MORC1: variants seen among roughly 807,000 people sequenced by gnomAD.
MORC1 encodes MORC family CW-type zinc finger 1.
MORC1 carries 59 observed loss-of-function variants against 134.9 expected under a neutral mutation model. That is an observed-to-expected ratio of 0.44 (90% CI 0.35 to 0.54). The LOEUF (loss-of-function observed/expected upper bound fraction) is 0.54, where lower values mean the gene tolerates loss of function less well. MORC1 is among the 20% of genes least tolerant of loss of function. MORC1 has a pLI of 0.00. For synonymous variants in MORC1, 395 were observed against 391.7 expected, an observed-to-expected ratio of 1.01 and a Z score of -0.10; for missense variants, 947 against 1,134.5, an observed-to-expected ratio of 0.83 and a Z score of 2.37.
intron 25 of MORC1, among the ~76,000 whole-genome samples, chr3:108,970,499 A>G (rs1947347912): frequency 6.6e-6 from 1 of 152,162 alleles, no homozygotes; most frequent in Non-Finnish European, 1.5e-5. Context: ...GGATGAGGTG[A>G]GAGTAGAGGG....
intron 26 of MORC1, among the ~76,000 whole-genome samples, chr3:108,966,433 A>T (rs1209989996): frequency 1.3e-5 from 2 of 152,262 alleles, no homozygotes; most frequent in Middle Eastern, 3.4e-3. Context: ...GCAGTCACTA[A>T]AGCAGAAACA....
At chr3:109,079,636 A>G (rs910567982) in intron 8 of MORC1, among the ~76,000 whole-genome samples, 1 of 152,168 alleles carries the variant, frequency 6.6e-6, no homozygotes, top group East Asian at 1.9e-4. Flanking sequence ...TACCACTTCT[A>G]TTTAACTAGC....
chr3:109,055,837 A>G (rs968432705), intron 13 of MORC1, among the ~76,000 whole-genome samples: 4 of 152,200 alleles, frequency 2.6e-5, no homozygotes, highest in Non-Finnish European at 5.9e-5. Flanking sequence ...TCAGATGGTG[A>G]TAAGTGGGGT....
intron 26 of MORC1, among the ~76,000 whole-genome samples, chr3:108,968,940 T>A (rs1947292881): frequency 1.3e-5 from 2 of 148,312 alleles, no homozygotes; most frequent in Non-Finnish European, 3.0e-5. Flanking sequence ...CAAGTTCACA[T>A]CTTGGAGTAC....
chr3:109,106,780 T>C (rs981996066), intron 3 of MORC1, among the ~76,000 whole-genome samples: 1 of 152,170 alleles, frequency 6.6e-6, no homozygotes, highest in Non-Finnish European at 1.5e-5. Flanking sequence ...ACCATCTCCT[T>C]TCTGGATCAC....
At chr3:109,105,259 T>A (rs1288797667) in intron 3 of MORC1, among the ~76,000 whole-genome samples, 1 of 152,118 alleles carries the variant, frequency 6.6e-6, no homozygotes, top group Non-Finnish European at 1.5e-5. Context: ...GCACGGTGGC[T>A]CATGCCTGTA....
rs547609778 is a variant in MORC1 at position 109,102,496 on chromosome 3, C to T, written c.223+1353G>A. ...AAGACTAGAGAATTTTTTAAAAACCCGGAAAGTACTGTAGTCATTTTCTAT... is the reference window on the plus strand; with the variant it reads ...AAGACTAGAGAATTTTTTAAAAACCTGGAAAGTACTGTAGTCATTTTCTAT... On this transcript the variant is annotated intron_variant, in intron 4 of 27. Transcript: ENST00000232603. Among the ~76,000 whole-genome samples, 21 of 152,130 alleles carry T rather than the reference C, an allele frequency of 1.4e-4. No homozygotes were observed. In the South Asian group the frequency reaches 2.7e-3, roughly 20 times the overall value.
At chr3:109,003,393 A>G (rs1388864215) in intron 20 of MORC1, among the ~76,000 whole-genome samples, 2 of 44,686 alleles carry the variant, frequency 4.5e-5, no homozygotes. Flanking sequence ...ATGTGTATGC[A>G]CACACACACA....
At chr3:108,973,599 T>G (rs1352435299) in intron 24 of MORC1, among the ~76,000 whole-genome samples, 1 of 148,516 alleles carries the variant, frequency 6.7e-6, no homozygotes, top group African/African-American at 2.5e-5. Context: ...GTTTTGGTTT[T>G]TTTTTTTTTT....
chr3:108,979,744 G>C (rs1209281455), intron 23 of MORC1, 77 bp from the exon 24 acceptor site: 3 of 1,525,590 alleles, frequency 2.0e-6, no homozygotes, highest in Non-Finnish European at 2.7e-6. Context: ...AAAAATGAGT[G>C]AAATGTTCAT....
At chr3:109,036,355 C>A (rs1354498594) in intron 14 of MORC1, among the ~76,000 whole-genome samples, 1 of 152,102 alleles carries the variant, frequency 6.6e-6, no homozygotes, top group South Asian at 2.1e-4. Flanking sequence ...TATAAAATTG[C>A]GATGCACATT....
At chr3:108,977,601 AATGATACTCAC>A (rs1192655537) in intron 24 of MORC1, among the ~76,000 whole-genome samples, 1 of 152,218 alleles carries the variant, frequency 6.6e-6, no homozygotes, top group Non-Finnish European at 1.5e-5. Context: ...ATACATTTTT[AATGATACTCAC>A]ATTTATTCAA....
chr3:109,118,097 G>A lies in MORC1; in HGVS notation c.-38C>T. 3 of 1,587,682 alleles carry A rather than the reference G, an allele frequency of 1.9e-6. No individual in the cohort carries two copies. Among genetic ancestry groups the A allele is most frequent in the Non-Finnish European group, 2.6e-6 (3 of 1,165,390 alleles). ...GACCCGCGCAACTCAAGGGGACAAGGACACCTGACCGGCAGCCGTTCGCCT... is the reference window on the plus strand; with the variant it reads ...GACCCGCGCAACTCAAGGGGACAAGAACACCTGACCGGCAGCCGTTCGCCT... On this transcript the variant is annotated 5_prime_UTR_variant, in exon 1 of 28. Transcript: ENST00000232603.
At position 109,070,300 on chromosome 3, in the gene MORC1, T is replaced by A. The variant is rs1473602152; in HGVS notation, c.690-543A>T. Among the ~76,000 whole-genome samples the A allele has an allele frequency of 5.9e-5, 9 of 152,116 alleles. 1 individual carries two copies. Among genetic ancestry groups the A allele is most frequent in the Admixed American group, 5.2e-4 (8 of 15,270 alleles). On this transcript the variant is annotated intron_variant, in intron 8 of 27. Transcript: ENST00000232603. ...ATTTATGGCCAGCTGAGGGGAAGCA[T>A]CTGACCACACGATAATGAAAAAGGA...
At chr3:109,083,008 A>C (rs1431548359) in intron 8 of MORC1, among the ~76,000 whole-genome samples, 1 of 152,210 alleles carries the variant, frequency 6.6e-6, no homozygotes, top group Non-Finnish European at 1.5e-5. Context: ...AGTCAAAGAC[A>C]AAGAGAGAAT....
chr3:109,011,414 C>G (rs1425908380), intron 17 of MORC1, among the ~76,000 whole-genome samples: 1 of 152,036 alleles, frequency 6.6e-6, no homozygotes, highest in Non-Finnish European at 1.5e-5. Context: ...ACGAAATTGA[C>G]TTTTCATGTG....
chr3:109,062,102 C>G, intron 10 of MORC1, 44 bp from the exon 11 acceptor site: 1 of 1,567,454 alleles, frequency 6.4e-7, no homozygotes, highest in Non-Finnish European at 8.8e-7. Context: ...AAAATTATTT[C>G]AAGCAATTTT....
At chr3:109,025,187 T>C (rs1156795021) in intron 17 of MORC1, among the ~76,000 whole-genome samples, 1 of 152,038 alleles carries the variant, frequency 6.6e-6, no homozygotes. Flanking sequence ...TTTTAAAATA[T>C]GAAAGCTTAA....
At chr3:108,959,231 C>T (rs1055214764) in intron 27 of MORC1, 111 bp from the exon 28 acceptor site, 2 of 845,264 alleles carry the variant, frequency 2.4e-6, no homozygotes, top group East Asian at 3.0e-5. Flanking sequence ...CAACAAAAGC[C>T]ACCTTACATT....
Sources: gnomAD v4.1 joint callset for allele counts (sites outside exome capture counted in the v4.1 genomes callset) on GRCh38, gnomAD v4.1.1 for gene constraint, MANE v1.5 for transcripts, NCBI Gene and HGNC (gene_info 2026-07-23, HGNC 2026-07-21) for gene names.